Variants in TTYH3 observed in about 807,000 individuals in gnomAD.
TTYH3 encodes the protein protein tweety homolog 3.
In TTYH3, 23 loss-of-function variants were observed where a neutral mutation model predicts 68.2. The ratio of observed to expected loss-of-function variants is 0.34; its 90% CI spans 0.24 to 0.48. The LOEUF (loss-of-function observed/expected upper bound fraction) is 0.48, where lower values mean the gene tolerates loss of function less well. Ranked by LOEUF, TTYH3 falls within the 20% of genes least tolerant of loss-of-function variation. The pLI is 0.99. For synonymous variants in TTYH3, 360 were observed against 332.8 expected (o/e 1.08, Z -0.89); for missense variants, 768 against 727.7 (o/e 1.06, Z -0.64).
rs1207162842 is a variant in TTYH3 at position 2,648,973 on chromosome 7, G to GGGGCCCGCAGTGGGGTT, written c.723-594_723-593insGGGCCCGCAGTGGGGTT. Among the ~76,000 whole-genome samples, 3 of 99,424 alleles carry GGGGCCCGCAGTGGGGTT rather than the reference G, an allele frequency of 3.0e-5. 1 individual carries two copies. Among genetic ancestry groups the GGGGCCCGCAGTGGGGTT allele is most frequent in the African/African-American group, 1.2e-4 (3 of 24,180 alleles). 65.2% of individuals were successfully genotyped at this position (99,424 alleles called of 152,430 possible). A position where few individuals can be genotyped will look rare whatever the true frequency, so the allele number is the denominator to read the frequency against. On this transcript the variant is annotated intron_variant, in intron 5 of 13. Coordinates refer to ENST00000258796, the MANE Select transcript of TTYH3 (RefSeq NM_025250.3). The stretch of plus-strand genomic sequence containing the variant: ...TGGGGTGTGGGGCCCGCAGTGGGGT[G>GGGGCCCGCAGTGGGGTT]TGGGGCCTGCACTGGGGTGTGTTTT...
intron 1 of TTYH3, among the ~76,000 whole-genome samples, chr7:2,633,976 C>T (rs1258732979): frequency 6.6e-6 from 1 of 152,242 alleles, no homozygotes; most frequent in Non-Finnish European, 1.5e-5. Flanking sequence ...GCCTGACCTG[C>T]CTGGCCTCCA....
At chr7:2,644,915 A>G (rs1273084538) in intron 1 of TTYH3, among the ~76,000 whole-genome samples, 1 of 152,222 alleles carries the variant, frequency 6.6e-6, no homozygotes, top group Non-Finnish European at 1.5e-5. Flanking sequence ...CCCATTGCCC[A>G]CTGTGGCTGA....
intron 13 of TTYH3, among the ~76,000 whole-genome samples, chr7:2,660,758 G>A (rs953225426): frequency 6.6e-5 from 10 of 152,254 alleles, no homozygotes; most frequent in African/African-American, 2.4e-4. Flanking sequence ...TGGGCCTGGG[G>A]CCCTGGGGTT....
intron 8 of TTYH3, among the ~76,000 whole-genome samples, chr7:2,652,549 G>C (rs1267501012): frequency 6.6e-6 from 1 of 152,204 alleles, no homozygotes; most frequent in Non-Finnish European, 1.5e-5. Context: ...GCCTCTGTAG[G>C]GTAACCGTGT....
chr7:2,638,811 G>C (rs1246346499), intron 1 of TTYH3, among the ~76,000 whole-genome samples: 1 of 152,194 alleles, frequency 6.6e-6, no homozygotes, highest in African/African-American at 2.4e-5. Context: ...TGGCCGCATG[G>C]GGGGCTGAGG....
chr7:2,655,745 C>G (rs1312055414), intron 9 of TTYH3, among the ~76,000 whole-genome samples: 17 of 152,238 alleles, frequency 1.1e-4, no homozygotes, highest in Admixed American at 1.1e-3. Flanking sequence ...ATAATACTTT[C>G]AAAAGCAGAG....
chr7:2,639,095 T>A (rs946951130), intron 1 of TTYH3, among the ~76,000 whole-genome samples: 1 of 152,060 alleles, frequency 6.6e-6, no homozygotes, highest in Non-Finnish European at 1.5e-5. Flanking sequence ...CCAGCCAGCC[T>A]CTCAGACACC....
intron 5 of TTYH3, chr7:2,648,345 G>C (rs976816398): frequency 5.4e-6 from 2 of 371,088 alleles, no homozygotes; most frequent in Admixed American, 8.9e-5. Flanking sequence ...CCAGGTCTCC[G>C]AGTGCCTGGG....
chr7:2,653,026 G>A lies in TTYH3; in HGVS notation c.1020+16G>A, dbSNP rs772793673. ...GGCCACTAAGGTGAGGGGCTGCGGG[G>A]TAGGCACTGGGGCAGGCAGGGCTCC... is the stretch of plus-strand genomic sequence containing the variant. On this transcript the variant is annotated intron_variant, in intron 9 of 13. Coordinates refer to ENST00000258796, the MANE Select transcript of TTYH3 (RefSeq NM_025250.3). 6.4e-7 allele frequency: 1 copy of A among 1,556,882 alleles called. No homozygotes were observed. The highest frequency in any genetic ancestry group is 1.3e-5 in the African/African-American group (1 of 74,130).
chr7:2,659,293 A>T (rs1554332196), intron 13 of TTYH3, among the ~76,000 whole-genome samples: 1 of 152,100 alleles, frequency 6.6e-6, no homozygotes, highest in Non-Finnish European at 1.5e-5. Flanking sequence ...CCAGCCGCCC[A>T]GGGGGTCAGC....
At chr7:2,647,760 T>G in intron 4 of TTYH3, 122 bp downstream of exon 4, 1 of 1,183,778 alleles carries the variant, frequency 8.4e-7, no homozygotes, top group South Asian at 1.5e-5. Context: ...CCAGGGCCAC[T>G]GGAGGTCACA....
intron 9 of TTYH3, among the ~76,000 whole-genome samples, chr7:2,655,691 C>T (rs528720189): frequency 7.9e-4 from 120 of 152,264 alleles, no homozygotes; most frequent in Non-Finnish European, 1.5e-3. Context: ...AGAGTTTTGT[C>T]AGTCAGTATG....
chr7:2,647,568 C>G lies in TTYH3; in HGVS notation c.556C>G (p.Pro186Ala). 6.4e-7 allele frequency: 1 copy of G among 1,568,124 alleles called. No homozygotes were observed. Among genetic ancestry groups the G allele is most frequent in the Admixed American group, 1.9e-5 (1 of 53,542 alleles). The change falls in exon 4 of 14, where the codon CCC (proline) becomes GCC (alanine). Residue 186 changes from proline to alanine, a missense_variant. Pro to Ala is a conservative substitution (Grantham distance 27, BLOSUM62 -1). Transcript: ENST00000258796. Reference protein sequence around the residue: ...ETLLGYTAAIPFWRNTAVSLE... With the variant: ...ETLLGYTAAIAFWRNTAVSLE... ...GCTGCTGGGCTACACGGCCGCCATC[C>G]CCTTTTGGAGGAACACGGCGGTGTC...
chr7:2,640,163 G>A (rs569842605), intron 1 of TTYH3, among the ~76,000 whole-genome samples: 3 of 152,242 alleles, frequency 2.0e-5, no homozygotes, highest in African/African-American at 7.2e-5. Flanking sequence ...GGCTGGAATG[G>A]CAGGGTGGTG....
At chr7:2,641,131 G>T (rs898245251) in intron 1 of TTYH3, among the ~76,000 whole-genome samples, 2 of 152,222 alleles carry the variant, frequency 1.3e-5, no homozygotes, top group African/African-American at 4.8e-5. Flanking sequence ...CTCCTCACCA[G>T]CCAGTGCCCC....
Position 2,640,648 on chromosome 7 carries a change from G to A in TTYH3, c.124-6205G>A, listed in dbSNP as rs112162832. Among the ~76,000 whole-genome samples, 330 of 152,350 alleles carry A rather than the reference G, an allele frequency of 2.2e-3. 2 individuals are homozygous for A. Among genetic ancestry groups the A allele is most frequent in the Admixed American group, 3.6e-3 (55 of 15,310 alleles). On this transcript the variant is annotated intron_variant, in intron 1 of 13. Transcript: ENST00000258796. Reference sequence around the variant, plus strand: ...GTGCTGGCGCTGAGCCTGGCATTGCGTTGGGGGGTGCCTGTGTCTGTGTGG... The same window carrying A: ...GTGCTGGCGCTGAGCCTGGCATTGCATTGGGGGGTGCCTGTGTCTGTGTGG...
chr7:2,647,809 A>G (rs1427661215), intron 4 of TTYH3, 150 bp from the exon 5 acceptor site: 2 of 1,092,652 alleles, frequency 1.8e-6, no homozygotes, highest in Middle Eastern at 2.0e-4. Flanking sequence ...GCCTTTCTCA[A>G]GAACTGACAC....
At chr7:2,653,161 G>A (rs1401004670) in intron 9 of TTYH3, 151 bp downstream of exon 9, 4 of 656,080 alleles carry the variant, frequency 6.1e-6, no homozygotes, top group Non-Finnish European at 1.1e-5. Flanking sequence ...GGCATGGGAG[G>A]TGTTCCTCTT....
In TTYH3 at chr7:2,645,951, G is replaced by A. The variant is rs1785968003; in HGVS notation, c.124-902G>A. ...GGTCCTGGGGCTGTCTCGGGCTGGG[G>A]GTGAGGACAGTAGCTGATGCCGGCA... On this transcript the variant is annotated intron_variant, in intron 1 of 13. Coordinates refer to ENST00000258796, the MANE Select transcript of TTYH3 (RefSeq NM_025250.3). This position sits in a 1 kb window ranked among gnomAD's most constrained non-coding sequence, Gnocchi z 4.8. 2.3e-6 allele frequency: 1 copy of A among 430,652 alleles called. No homozygotes were observed. Among genetic ancestry groups the A allele is most frequent in the Admixed American group, 2.7e-5 (1 of 37,344 alleles). 26.7% of individuals were successfully genotyped at this position (430,652 alleles called of 1,614,324 possible). A position where few individuals can be genotyped will look rare whatever the true frequency, so the allele number is the denominator to read the frequency against.
Sources: gnomAD v4.1 joint callset for allele counts (sites outside exome capture counted in the v4.1 genomes callset) on GRCh38, gnomAD v4.1.1 for gene constraint, Gnocchi (gnomAD v3.1) non-coding constraint, MANE v1.5 for transcripts, NCBI Gene and HGNC (gene_info 2026-07-23, HGNC 2026-07-21) for gene names.